The following BDNF variants were observed in gnomAD, a reference collection of about 807,000 sequenced individuals.
BDNF encodes the protein brain derived neurotrophic factor.
BDNF carries 1 observed loss-of-function variant against 19.5 expected under a neutral mutation model. The observed-to-expected ratio is 0.05, with a 90% CI of 0.02 to 0.24. The LOEUF (loss-of-function observed/expected upper bound fraction) is 0.24. Among genes scored for constraint, BDNF ranks in the 10% least tolerant of loss-of-function variants. The pLI, the probability that BDNF is intolerant of heterozygous loss-of-function variation, is 1.00. For synonymous variants in BDNF, 100 were observed against 121.6 expected (o/e 0.82, Z 1.17); for missense variants, 195 against 317.6 (o/e 0.61, Z 2.93).
At chr11:27,717,900 G>A (rs1860575877) in intron 1 of BDNF, among the ~76,000 whole-genome samples, 1 of 149,742 alleles carries the variant, frequency 6.7e-6, no homozygotes, top group Admixed American at 6.6e-5. Context: ...TGTAGAGGAT[G>A]ACGTGACACT....
intron 1 of BDNF, among the ~76,000 whole-genome samples, chr11:27,709,117 C>T (rs1343601735): frequency 6.6e-6 from 1 of 152,178 alleles, no homozygotes; most frequent in Non-Finnish European, 1.5e-5. Context: ...GCATGAGCCA[C>T]CGCGCCTGGC....
chr11:27,694,859 A>G (rs1409881795), intron 1 of BDNF, among the ~76,000 whole-genome samples: 1 of 152,226 alleles, frequency 6.6e-6, no homozygotes, highest in African/African-American at 2.4e-5. Flanking sequence ...AATTGCCTGT[A>G]GCAAATAAAT....
intron 1 of BDNF, among the ~76,000 whole-genome samples, chr11:27,697,153 A>G: frequency 1.1e-5 from 1 of 88,878 alleles, no homozygotes. Context: ...GCACACACAC[A>G]CACACACACA....
rs546832995 is a variant in BDNF at position 27,657,379 on chromosome 11, T to G, written c.*442A>C. 2 of 1,014,710 alleles carry G rather than the reference T, an allele frequency of 2.0e-6. No individual in the cohort carries two copies. Among genetic ancestry groups the G allele is most frequent in the South Asian group, 4.0e-5 (1 of 25,300 alleles). 62.9% of individuals were successfully genotyped at this position (1,014,710 alleles called of 1,614,324 possible). ...CAGAAGTTAAAAGCAGTAAAACAGATATAGTACTAACAAGAACGAAGATAC... is the reference window on the plus strand; with the variant it reads ...CAGAAGTTAAAAGCAGTAAAACAGAGATAGTACTAACAAGAACGAAGATAC... On this transcript the variant is annotated 3_prime_UTR_variant, in exon 2 of 2. Coordinates refer to ENST00000356660, the MANE Select transcript of BDNF (RefSeq NM_001709.5). This position sits in a 1 kb window ranked among gnomAD's most constrained non-coding sequence, Gnocchi z 5.0.
At chr11:27,661,414 A>G (rs970156568) in intron 1 of BDNF, among the ~76,000 whole-genome samples, 3 of 152,208 alleles carry the variant, frequency 2.0e-5, no homozygotes, top group Non-Finnish European at 4.4e-5. Context: ...TAGCCTTCCA[A>G]TCCAGTCAGT....
intron 1 of BDNF, among the ~76,000 whole-genome samples, chr11:27,689,364 A>G (rs954231745): frequency 2.0e-5 from 3 of 152,218 alleles, no homozygotes; most frequent in Admixed American, 6.5e-5. Flanking sequence ...AATGTCTGCC[A>G]ATCTTTTTTA....
At chr11:27,660,101 G>T in intron 1 of BDNF, 1 of 797,654 alleles carries the variant, frequency 1.3e-6, no homozygotes, top group Non-Finnish European at 1.6e-6. Context: ...AAATAAGTAG[G>T]AAAAGGAACT....
At chr11:27,721,196 C>G (rs986895049) in intron 1 of BDNF, among the ~76,000 whole-genome samples, 1 of 152,040 alleles carries the variant, frequency 6.6e-6, no homozygotes, top group Non-Finnish European at 1.5e-5. Flanking sequence ...ACACACCCCC[C>G]CACCCAGCTC....
At chr11:27,712,240 T>C (rs1265361672) in intron 1 of BDNF, among the ~76,000 whole-genome samples, 1 of 152,250 alleles carries the variant, frequency 6.6e-6, no homozygotes, top group Non-Finnish European at 1.5e-5. Flanking sequence ...GTTAAATATG[T>C]GTGGGAAATG....
At chr11:27,668,180 A>ACGAAGTGAAGGCAG (rs1854699051) in intron 1 of BDNF, among the ~76,000 whole-genome samples, 1 of 152,244 alleles carries the variant, frequency 6.6e-6, no homozygotes. Flanking sequence ...TGGGTACTTA[A>ACGAAGTGAAGGCAG]CGAAGTGAAG....
intron 1 of BDNF, among the ~76,000 whole-genome samples, chr11:27,712,714 C>T (rs1860379376): frequency 6.6e-6 from 1 of 151,938 alleles, no homozygotes; most frequent in Non-Finnish European, 1.5e-5. Flanking sequence ...AGGGTTTTGC[C>T]ATGTTGGCCA....
chr11:27,700,587 G>T, upstream of BDNF: 1 of 958,286 alleles, frequency 1.0e-6, no homozygotes, highest in Non-Finnish European at 1.2e-6. Flanking sequence ...CGTTCGAGGC[G>T]GCCGCTTAAA....
At chr11:27,717,556 C>T (rs1174666283) in intron 1 of BDNF, among the ~76,000 whole-genome samples, 1 of 152,172 alleles carries the variant, frequency 6.6e-6, no homozygotes, top group Non-Finnish European at 1.5e-5. Flanking sequence ...GGAGCTAGAC[C>T]AAGCTAAAAT....
At chr11:27,690,464 A>G (rs1224315014) in intron 1 of BDNF, among the ~76,000 whole-genome samples, 1 of 151,924 alleles carries the variant, frequency 6.6e-6, no homozygotes, top group African/African-American at 2.4e-5. Context: ...CACACAAACT[A>G]TGCACAAGTT....
chr11:27,682,247 T>G (rs1310284765), intron 1 of BDNF, among the ~76,000 whole-genome samples: 1 of 151,992 alleles, frequency 6.6e-6, no homozygotes, highest in East Asian at 1.9e-4. Flanking sequence ...AAACCCAACA[T>G]AGGCCCAGGG....
At chr11:27,679,399 T>C (rs2133949156) in intron 1 of BDNF, among the ~76,000 whole-genome samples, 1 of 152,330 alleles carries the variant, frequency 6.6e-6, no homozygotes, top group South Asian at 2.1e-4. Flanking sequence ...TTTTATGAAT[T>C]AGTCATTTAT....
At chr11:27,712,310 C>T (rs943181899) in intron 1 of BDNF, among the ~76,000 whole-genome samples, 2 of 152,118 alleles carry the variant, frequency 1.3e-5, no homozygotes, top group African/African-American at 4.8e-5. Flanking sequence ...CTTCATATCA[C>T]GTCAGTTTTA....
intron 1 of BDNF, among the ~76,000 whole-genome samples, chr11:27,673,790 A>G (rs1590315623): frequency 6.6e-6 from 1 of 152,196 alleles, no homozygotes; most frequent in South Asian, 2.1e-4. Context: ...CCGGGCTTCA[A>G]TGTCATTAAT....
At chr11:27,670,721 A>G (rs1166937676) in intron 1 of BDNF, among the ~76,000 whole-genome samples, 1 of 152,216 alleles carries the variant, frequency 6.6e-6, no homozygotes, top group African/African-American at 2.4e-5. Flanking sequence ...ACCATCTCAC[A>G]CCAGTTAGAA....
Sources: gnomAD v4.1 joint callset for allele counts (sites outside exome capture counted in the v4.1 genomes callset) on GRCh38, gnomAD v4.1.1 for gene constraint, Gnocchi (gnomAD v3.1) non-coding constraint, MANE v1.5 for transcripts, NCBI Gene and HGNC (gene_info 2026-07-23, HGNC 2026-07-21) for gene names.